The following RIT2 variants were observed in gnomAD, a reference collection of about 807,000 sequenced individuals.
RIT2 encodes the protein GTP-binding protein Rit2.
In RIT2, 24 loss-of-function variants were observed where a neutral mutation model predicts 23.7. The ratio of observed to expected loss-of-function variants is 1.01; its 90% confidence interval spans 0.73 to 1.43. RIT2 has a LOEUF of 1.43. Among genes scored for constraint, RIT2 ranks in the 40% most tolerant of loss-of-function variants. The probability of loss-of-function intolerance (pLI) is 0.00; values close to 1 mark genes in which losing one functional copy is unlikely to be tolerated. For synonymous variants in RIT2, 107 were observed against 91.1 expected, an observed-to-expected ratio of 1.17 and a Z score of -0.99; for missense variants, 236 against 266.9, an observed-to-expected ratio of 0.88 and a Z score of 0.81.
At chr18:43,007,814 T>C (rs1911260993) in intron 2 of RIT2, among the ~76,000 whole-genome samples, 1 of 151,718 alleles carries the variant, frequency 6.6e-6, no homozygotes, top group African/African-American at 2.4e-5. Context: ...ACTCAAGCAA[T>C]TAATTATCTT....
chr18:42,915,151 T>TACACACACACACAC (rs71918963), intron 4 of RIT2, among the ~76,000 whole-genome samples: 4 of 145,960 alleles, frequency 2.7e-5, no homozygotes, highest in African/African-American at 5.1e-5. Flanking sequence ...CATATAATTA[T>TACACACACACACAC]ACACACACAC....
intron 4 of RIT2, among the ~76,000 whole-genome samples, chr18:42,775,493 G>C (rs542276234): frequency 2.0e-5 from 3 of 151,964 alleles, no homozygotes; most frequent in Admixed American, 2.0e-4. Flanking sequence ...TCAGGAGATC[G>C]AGACCATCTT....
chr18:43,100,832 T>C (rs1160260989), intron 1 of RIT2, among the ~76,000 whole-genome samples: 1 of 152,022 alleles, frequency 6.6e-6, no homozygotes, highest in Non-Finnish European at 1.5e-5. Flanking sequence ...TGGTTTAGTT[T>C]TGGGGAATTT....
intron 2 of RIT2, among the ~76,000 whole-genome samples, chr18:42,980,564 A>G (rs1232691758): frequency 6.6e-6 from 1 of 152,108 alleles, no homozygotes; most frequent in East Asian, 1.9e-4. Flanking sequence ...TGCTCTGGAA[A>G]GTCTGCCCAA....
chr18:43,007,161 T>C (rs1245758292), intron 2 of RIT2, among the ~76,000 whole-genome samples: 1 of 151,676 alleles, frequency 6.6e-6, no homozygotes, highest in African/African-American at 2.4e-5. Flanking sequence ...TAAAATGATA[T>C]AGAAGGAACT....
chr18:43,029,810 G>T (rs573697339), intron 2 of RIT2, among the ~76,000 whole-genome samples: 3 of 152,064 alleles, frequency 2.0e-5, no homozygotes, highest in South Asian at 2.1e-4. Context: ...ATTGGCATTA[G>T]CACAATGTTT....
intron 1 of RIT2, among the ~76,000 whole-genome samples, chr18:43,094,400 T>C (rs1913501190): frequency 1.3e-5 from 2 of 151,992 alleles, no homozygotes; most frequent in South Asian, 2.1e-4. Context: ...ACATTGTCTA[T>C]ATATTTTCTT....
chr18:42,894,895 G>T (rs1283824340), intron 4 of RIT2, among the ~76,000 whole-genome samples: 1 of 152,192 alleles, frequency 6.6e-6, no homozygotes, highest in East Asian at 1.9e-4. Context: ...TTAGTAGAGG[G>T]ATTAAATGCC....
intron 2 of RIT2, among the ~76,000 whole-genome samples, chr18:42,999,555 G>A (rs1911058761): frequency 6.6e-6 from 1 of 152,078 alleles, no homozygotes; most frequent in African/African-American, 2.4e-5. Flanking sequence ...GGAGAAAAAG[G>A]AGTCAAACAA....
intron 1 of RIT2, among the ~76,000 whole-genome samples, chr18:43,061,403 G>A (rs758099359): frequency 5.3e-5 from 8 of 152,120 alleles, no homozygotes; most frequent in South Asian, 4.2e-4. Flanking sequence ...AATAAGCAAC[G>A]GATATCAGAC....
chr18:42,844,565 C>T (rs1483480778), intron 4 of RIT2, among the ~76,000 whole-genome samples: 1 of 152,066 alleles, frequency 6.6e-6, no homozygotes, highest in Admixed American at 6.6e-5. Context: ...TGAAGTCATG[C>T]TGTCTTGCTG....
chr18:42,859,353 T>C (rs77592922), intron 4 of RIT2, among the ~76,000 whole-genome samples: 3,574 of 152,344 alleles, frequency 0.023, 138 homozygotes, highest in African/African-American at 0.079. Flanking sequence ...AAAATCATCC[T>C]TGGCGAAATG....
intron 3 of RIT2, among the ~76,000 whole-genome samples, chr18:42,948,431 A>G (rs539134614): frequency 1.3e-5 from 2 of 152,172 alleles, no homozygotes; most frequent in South Asian, 2.1e-4. Context: ...ATGTACCAGT[A>G]TTCATCCTAG....
intron 3 of RIT2, among the ~76,000 whole-genome samples, chr18:42,966,643 T>C (rs548139623): frequency 2.6e-5 from 4 of 152,276 alleles, no homozygotes; most frequent in East Asian, 1.9e-4. Flanking sequence ...GACATTTCTT[T>C]CTCCAGTTTT....
At chr18:43,043,023 AATT>A (rs1244623118) in intron 1 of RIT2, among the ~76,000 whole-genome samples, 2 of 152,174 alleles carry the variant, frequency 1.3e-5, no homozygotes, top group Non-Finnish European at 2.9e-5. Flanking sequence ...ATGAGTATTA[AATT>A]ATTATGTCTT....
intron 2 of RIT2, among the ~76,000 whole-genome samples, chr18:42,986,263 A>G (rs1052832884): frequency 2.3e-4 from 35 of 151,528 alleles, no homozygotes; most frequent in African/African-American, 8.0e-4. Flanking sequence ...CTGGTCTTGA[A>G]CTCCTGACCT....
intron 4 of RIT2, among the ~76,000 whole-genome samples, chr18:42,765,810 G>A (rs942138352): frequency 2.0e-5 from 3 of 152,132 alleles, no homozygotes; most frequent in East Asian, 1.9e-4. Context: ...GAATTCTGAC[G>A]TGTTTTGGGA....
At chr18:42,892,502 T>C (rs776219005) in intron 4 of RIT2, among the ~76,000 whole-genome samples, 1 of 152,194 alleles carries the variant, frequency 6.6e-6, no homozygotes, top group Non-Finnish European at 1.5e-5. Flanking sequence ...AGGTCTGCAT[T>C]ACTAAATTGT....
chr18:42,789,790 T>C (rs771331373), intron 4 of RIT2, among the ~76,000 whole-genome samples: 2 of 152,228 alleles, frequency 1.3e-5, no homozygotes, highest in Non-Finnish European at 1.5e-5. Flanking sequence ...GACTTCCTCT[T>C]TTCCAATCTG....
Sources: gnomAD v4.1 joint callset for allele counts (sites outside exome capture counted in the v4.1 genomes callset) on GRCh38, gnomAD v4.1.1 for gene constraint, MANE v1.5 for transcripts, NCBI Gene and HGNC (gene_info 2026-07-23, HGNC 2026-07-21) for gene names.